The following GTPBP1 variants were observed in gnomAD, a reference collection of about 807,000 sequenced individuals.
The protein encoded by GTPBP1 is GTP binding protein 1.
Under a neutral mutation model 62.0 loss-of-function variants are expected in GTPBP1, and 23 were observed. The ratio of observed to expected loss-of-function variants is 0.37; its 90% CI spans 0.27 to 0.53. The LOEUF (loss-of-function observed/expected upper bound fraction) is 0.53, where lower values mean the gene tolerates loss of function less well. GTPBP1 is among the 20% of genes least tolerant of loss of function. GTPBP1 has a pLI of 0.89. For missense variants in GTPBP1, 640 were observed against 917.3 expected (o/e 0.70, Z 3.90); for synonymous variants, 344 against 364.4 (o/e 0.94, Z 0.64).
chr22:38,729,067 A>C, intron 10 of GTPBP1: 1 of 161,492 alleles, frequency 6.2e-6, no homozygotes, highest in Non-Finnish European at 1.3e-5. Flanking sequence ...CAGCTTAGCA[A>C]TCAGGAGATC....
At chr22:38,739,279 T>C, downstream of GTPBP1, 1 of 1,558,350 alleles carries the variant, frequency 6.4e-7, no homozygotes, top group Non-Finnish European at 8.8e-7. The surrounding 1 kb of genome is among the most constrained non-coding windows in gnomAD (Gnocchi z 6.7). Flanking sequence ...ACCTGGTAGA[T>C]GCCAGGGGAC....
downstream of GTPBP1, chr22:38,742,719 C>T (rs927375096): frequency 5.3e-5 from 46 of 872,444 alleles, no homozygotes; most frequent in Admixed American, 6.1e-5. Context: ...CAGGGGCTGC[C>T]GACCTCTGAG....
downstream of GTPBP1, chr22:38,739,540 C>T: frequency 7.3e-7 from 1 of 1,366,532 alleles, no homozygotes; most frequent in Non-Finnish European, 1.0e-6. The surrounding 1 kb of genome is among the most constrained non-coding windows in gnomAD (Gnocchi z 6.7). Context: ...TTGCACTGTG[C>T]TGGTGCCCAG....
At chr22:38,723,530 C>A in intron 5 of GTPBP1, 1 of 645,120 alleles carries the variant, frequency 1.6e-6, no homozygotes, top group South Asian at 1.8e-5. Flanking sequence ...GCGAAACTTC[C>A]TTTGTCTTGT....
At chr22:38,719,900 T>C (rs1470955557) in intron 4 of GTPBP1, among the ~76,000 whole-genome samples, 1 of 151,606 alleles carries the variant, frequency 6.6e-6, no homozygotes, top group Non-Finnish European at 1.5e-5. Context: ...TCACCAGTTA[T>C]CCCCCACTGC....
downstream of GTPBP1, chr22:38,738,403 C>T (rs1026181151): frequency 2.8e-6 from 3 of 1,089,772 alleles, no homozygotes; most frequent in South Asian, 3.0e-5. The surrounding 1 kb of genome is among the most constrained non-coding windows in gnomAD (Gnocchi z 6.6). Context: ...TCTTGTGCCA[C>T]AGTTTCTGCC....
chr22:38,741,721 G>A (rs182017997), downstream of GTPBP1: 77 of 684,864 alleles, frequency 1.1e-4, no homozygotes, highest in African/African-American at 1.6e-4. Flanking sequence ...CAAGACTCCC[G>A]CTTCAGCTCC....
Position 38,727,959 on chromosome 22 carries a change from C to G in GTPBP1, c.1538-24C>G. ...AAGCCACCAGGTGGCTCCAGCCTAT[C>G]CTGACCTCTGGCTTCCTTGACAGTG... On this transcript the variant is annotated intron_variant, in intron 9 of 11. Coordinates refer to ENST00000216044, the MANE Select transcript of GTPBP1 (RefSeq NM_004286.5). The surrounding 1 kb of genome is among the most constrained non-coding windows in gnomAD (Gnocchi z 6.5). 6.2e-7 allele frequency: 1 copy of G among 1,606,280 alleles called. No homozygotes were observed. Among genetic ancestry groups the G allele is most frequent in the Non-Finnish European group, 8.5e-7 (1 of 1,173,230 alleles).
Position 38,727,999 on chromosome 22 carries a change from C to T in GTPBP1, c.1554C>T (p.Ile518=). The change falls in exon 10 of 12, where the codon ATC becomes ATT. Residue 518 remains isoleucine, a synonymous_variant. Transcript: ENST00000216044. This position sits in a 1 kb window ranked among gnomAD's most constrained non-coding sequence, Gnocchi z 6.5. The stretch of plus-strand genomic sequence containing the variant: ...CCTTGACAGTGCACTGTGGGAGCAT[C>T]AGGCAGACAGCCACCATTCTGAGCA... ...RYQAMVHCGS[I]RQTATILSMD... 1.9e-6 allele frequency: 3 copies of T among 1,613,890 alleles called. No individual in the cohort carries two copies. In the African/African-American group the frequency reaches 4.0e-5, roughly 22 times the overall value.
chr22:38,739,516 G>A, downstream of GTPBP1: 1 of 1,470,258 alleles, frequency 6.8e-7, no homozygotes, highest in Non-Finnish European at 9.4e-7. The surrounding 1 kb of genome is among the most constrained non-coding windows in gnomAD (Gnocchi z 6.7). Flanking sequence ...CCCATGGGCT[G>A]ACCCCTTCTA....
chr22:38,738,824 G>A, downstream of GTPBP1: 1 of 1,596,934 alleles, frequency 6.3e-7, no homozygotes, highest in Non-Finnish European at 8.6e-7. The surrounding 1 kb of genome is among the most constrained non-coding windows in gnomAD (Gnocchi z 6.6). Flanking sequence ...GATGGGACCA[G>A]CCCTCAGTGT....
intron 5 of GTPBP1, chr22:38,723,436 G>A: frequency 9.2e-7 from 1 of 1,082,876 alleles, no homozygotes; most frequent in South Asian, 1.3e-5. Flanking sequence ...TGGCAGAAAT[G>A]CCCCAAGGAA....
intron 10 of GTPBP1, 119 bp from the exon 11 acceptor site, chr22:38,729,342 GA>G: frequency 1.4e-6 from 1 of 708,694 alleles, no homozygotes; most frequent in Non-Finnish European, 2.3e-6. Flanking sequence ...GCCTTGCCCT[GA>G]ACTGGCAAGA....
chr22:38,709,514 A>T (rs2145839849), intron 2 of GTPBP1, among the ~76,000 whole-genome samples: 1 of 152,288 alleles, frequency 6.6e-6, no homozygotes. Context: ...CTATTTGCAT[A>T]AGAGGAAATG....
intron 5 of GTPBP1, among the ~76,000 whole-genome samples, 188 bp downstream of exon 5, chr22:38,722,053 TATA>T (rs965084217): frequency 4.6e-5 from 7 of 152,228 alleles, no homozygotes; most frequent in African/African-American, 1.4e-4. Flanking sequence ...AGAAAATAAT[TATA>T]ATAATTTCAA....
intron 5 of GTPBP1, chr22:38,723,135 C>G: frequency 2.5e-6 from 2 of 794,562 alleles, no homozygotes; most frequent in Non-Finnish European, 4.5e-6. Flanking sequence ...CAGTTCACAT[C>G]ATGAAATTCC....
rs180793173 is a variant in GTPBP1 at position 38,710,706 on chromosome 22, A to G, written c.304+1750A>G. The stretch of plus-strand genomic sequence containing the variant: ...TCAGGTACACATCTGGCCTGCTCTA[A>G]TAAGATGAACCACTCAAAGATCACT... On this transcript the variant is annotated intron_variant, in intron 2 of 11. Coordinates refer to ENST00000216044, the MANE Select transcript of GTPBP1 (RefSeq NM_004286.5). Among the ~76,000 whole-genome samples the G allele has an allele frequency of 2.6e-4, 39 of 152,306 alleles. 1 individual carries two copies. The highest frequency in any genetic ancestry group is 8.2e-4 in the African/African-American group (34 of 41,572).
At chr22:38,739,973 G>C, downstream of GTPBP1, 1 of 1,599,610 alleles carries the variant, frequency 6.3e-7, no homozygotes, top group Non-Finnish European at 8.5e-7. The surrounding 1 kb of genome is among the most constrained non-coding windows in gnomAD (Gnocchi z 6.7). Context: ...TGTCACCCTG[G>C]GGGGCTTGCA....
At chr22:38,740,461 C>A, downstream of GTPBP1, 1 of 1,445,558 alleles carries the variant, frequency 6.9e-7, no homozygotes, top group East Asian at 2.6e-5. This position sits in a 1 kb window ranked among gnomAD's most constrained non-coding sequence, Gnocchi z 4.8. Context: ...GAGTAAGCCT[C>A]GGATCTCTTT....
Sources: gnomAD v4.1 joint callset for allele counts (sites outside exome capture counted in the v4.1 genomes callset) on GRCh38, gnomAD v4.1.1 for gene constraint, Gnocchi (gnomAD v3.1) non-coding constraint, MANE v1.5 for transcripts, NCBI Gene and HGNC (gene_info 2026-07-23, HGNC 2026-07-21) for gene names.